Variants in CCNB3 observed in about 807,000 individuals in gnomAD.
CCNB3 encodes the protein G2/mitotic-specific cyclin-B3.
In CCNB3, 12 loss-of-function variants were observed where a neutral mutation model predicts 68.0. The observed-to-expected ratio is 0.18, with a 90% CI of 0.11 to 0.29. The LOEUF is 0.29. Among genes scored for constraint, CCNB3 ranks in the 10% least tolerant of loss-of-function variants. The probability of loss-of-function intolerance (pLI) is 1.00; values close to 1 mark genes in which losing one functional copy is unlikely to be tolerated. For synonymous variants in CCNB3, 354 were observed against 388.9 expected, an observed-to-expected ratio of 0.91 and a Z score of 1.06; for missense variants, 904 against 993.1, an observed-to-expected ratio of 0.91 and a Z score of 1.21.
At chrX:50,301,486 C>T (rs1273667785) in intron 5 of CCNB3, among the ~76,000 whole-genome samples, 1 of 111,670 alleles carries the variant, frequency 9.0e-6, no homozygotes, top group Non-Finnish European at 1.9e-5. Flanking sequence ...CCTGATTGTT[C>T]CTCTGGAAGT....
intron 8 of CCNB3, among the ~76,000 whole-genome samples, chrX:50,339,488 G>C (rs1923019292): frequency 8.9e-6 from 1 of 112,255 alleles, no homozygotes; most frequent in South Asian, 3.7e-4. Context: ...TTAGCTTAGT[G>C]ATTTTGGGGT....
chrX:50,294,665 A>T (rs1469566380), intron 4 of CCNB3, among the ~76,000 whole-genome samples, 198 bp from the exon 5 acceptor site: 1 of 111,573 alleles, frequency 9.0e-6, no homozygotes, highest in Non-Finnish European at 1.9e-5. Context: ...TGGTTGTTTG[A>T]TGCTAGCTTC....
At chrX:50,351,528 C>A in intron 12 of CCNB3, 79 bp from the exon 13 acceptor site, 2 of 1,036,335 alleles carry the variant, frequency 1.9e-6, no homozygotes, top group Non-Finnish European at 2.7e-6. Context: ...AAACTAAGGG[C>A]TGTATGTCCC....
chrX:50,226,506 A>G lies in CCNB3; in HGVS notation c.-113+21556A>G, dbSNP rs1446617884. Among the ~76,000 whole-genome samples, 4 of 79,276 alleles carry G rather than the reference A, an allele frequency of 5.0e-5. No homozygotes were observed. The Admixed American group carries it at 5.7e-4, about 11-fold the overall frequency. 68.8% of individuals were successfully genotyped at this position (79,276 alleles called of 115,157 possible). ...ATATATAGAATATATAAAAATATAT[A>G]TATAGAATATATAGATATATATATA... On this transcript the variant is annotated intron_variant, in intron 1 of 12. Coordinates refer to ENST00000376042, the MANE Select transcript of CCNB3 (RefSeq NM_033031.3).
At chrX:50,210,234 GGGAGGA>G (rs1935461893) in intron 1 of CCNB3, among the ~76,000 whole-genome samples, 1 of 111,364 alleles carries the variant, frequency 9.0e-6, no homozygotes, top group Non-Finnish European at 1.9e-5. Context: ...TTGTATACCT[GGGAGGA>G]GGGGAATATT....
chrX:50,228,604 A>G (rs1260555754), intron 1 of CCNB3, among the ~76,000 whole-genome samples: 1 of 86,210 alleles, frequency 1.2e-5, no homozygotes, highest in African/African-American at 4.2e-5. Context: ...GATAATATAT[A>G]TAGAATATAT....
In CCNB3 at chrX:50,309,029, A is replaced by G. The variant is rs782267633; in HGVS notation, c.860A>G (p.Lys287Arg). 1.2e-5 allele frequency: 15 copies of G among 1,209,720 alleles called. No homozygotes were observed. The highest frequency in any genetic ancestry group is 1.1e-4 in the Admixed American group (5 of 45,742). Residue 287 changes from lysine to arginine, a missense_variant, in exon 6 of 13, where the codon AAG (lysine) becomes AGG (arginine). Physicochemically the swap from Lys to Arg is conservative, Grantham distance 26. This residue lies in a region of CCNB3 where 619 missense variants were observed against 609.8 expected (regional missense o/e 1.02). Transcript: ENST00000376042. Reference sequence around the variant, plus strand: ...CCCACCCATAAGTTATCATCTTTAAAGAAGAAATGTACCATTTATGGGAAG... The same window carrying G: ...CCCACCCATAAGTTATCATCTTTAAGGAAGAAATGTACCATTTATGGGAAG... The part of the protein sequence containing the change: ...SIPTHKLSSL[K>R]KKCTIYGKIC...
intron 8 of CCNB3, among the ~76,000 whole-genome samples, chrX:50,334,203 C>T (rs1189793212): frequency 8.9e-6 from 1 of 112,392 alleles, no homozygotes; most frequent in African/African-American, 3.2e-5. Context: ...CCATGTATAA[C>T]TCCCAGTCTA....
chrX:50,333,276 G>A (rs1252294435), intron 8 of CCNB3, among the ~76,000 whole-genome samples: 2 of 111,329 alleles, frequency 1.8e-5, no homozygotes, highest in Non-Finnish European at 3.8e-5. Context: ...GGGTTACCTC[G>A]TAGGCCTTTT....
At chrX:50,305,952 T>C (rs1255086852) in intron 5 of CCNB3, among the ~76,000 whole-genome samples, 2 of 103,117 alleles carry the variant, frequency 1.9e-5, no homozygotes, top group Admixed American at 1.1e-4. Flanking sequence ...TTTTTTTTTT[T>C]TTTTTTCGTA....
intron 6 of CCNB3, 109 bp from the exon 7 acceptor site, chrX:50,312,428 C>G (rs1410270124): frequency 6.2e-6 from 4 of 643,006 alleles, no homozygotes; most frequent in Non-Finnish European, 1.0e-5. Context: ...GCTTGAGACA[C>G]CTTAGCAGAA....
Position 50,337,527 on chromosome X carries a change from C to T in CCNB3, c.3517-4675C>T, listed in dbSNP as rs187521659. Among the ~76,000 whole-genome samples the T allele has an allele frequency of 9.9e-5, 11 of 111,193 alleles. 1 individual carries two copies. Among genetic ancestry groups the T allele is most frequent in the Middle Eastern group, 4.7e-3 (1 of 214 alleles). ...TACAGGTTCCCCTGTGCCATACCTT[C>T]GAGACAAGGGACCTGTCCAGGCTTC... On this transcript the variant is annotated intron_variant, in intron 8 of 12. Coordinates refer to ENST00000376042, the MANE Select transcript of CCNB3 (RefSeq NM_033031.3).
Position 50,311,045 on chromosome X carries a change from A to C in CCNB3, c.2876A>C (p.Glu959Ala), listed in dbSNP as rs142429100. ...TTACAAGAGAGTCCCACCTACAAGG[A>C]AGACACCTTTCTCAAAACATTGTTG... Reference protein sequence around the residue: ...LALQESPTYKEDTFLKTLLVP... With the variant: ...LALQESPTYKADTFLKTLLVP... Residue 959 changes from glutamate to alanine, a missense_variant, in exon 6 of 13, where the codon GAA becomes GCA. This residue lies in a region of CCNB3 where 285 missense variants were observed against 383.4 expected (regional missense o/e 0.74). Transcript: ENST00000376042. 1 of 1,207,143 alleles carries C rather than the reference A, an allele frequency of 8.3e-7. No homozygotes were observed. The highest frequency in any genetic ancestry group is 1.1e-6 in the Non-Finnish European group (1 of 894,528).
intron 5 of CCNB3, among the ~76,000 whole-genome samples, chrX:50,297,610 C>A (rs1239173076): frequency 8.9e-6 from 1 of 111,906 alleles, no homozygotes; most frequent in Non-Finnish European, 1.9e-5. Context: ...CTTGTCAATG[C>A]GGGCTCTTTT....
chrX:50,309,105 A>C lies in CCNB3; in HGVS notation c.936A>C (p.Ala312=). 1.7e-6 allele frequency: 2 copies of C among 1,210,697 alleles called. No individual in the cohort carries two copies. Among genetic ancestry groups the C allele is most frequent in the Non-Finnish European group, 2.2e-6 (2 of 894,577 alleles). Reference sequence around the variant, plus strand: ...TATTGCAGACAACCATCTGTGGAGCAATGTCCTCCATTAAGAAGCCTACCA... The same window carrying C: ...TATTGCAGACAACCATCTGTGGAGCCATGTCCTCCATTAAGAAGCCTACCA... ...PPVLQTTICG[A]MSSIKKPTTE... The change falls in exon 6 of 13, where the codon GCA becomes GCC. Residue 312 remains alanine (A), a synonymous_variant. Coordinates refer to ENST00000376042, the MANE Select transcript of CCNB3 (RefSeq NM_033031.3).
intron 8 of CCNB3, among the ~76,000 whole-genome samples, chrX:50,333,629 C>T (rs1253291900): frequency 1.8e-5 from 2 of 111,578 alleles, no homozygotes; most frequent in East Asian, 5.6e-4. Flanking sequence ...GGCACAGCTA[C>T]TCTCCCATCT....
At chrX:50,297,966 T>C (rs1345264864) in intron 5 of CCNB3, among the ~76,000 whole-genome samples, 2 of 111,999 alleles carry the variant, frequency 1.8e-5, no homozygotes, top group Non-Finnish European at 3.8e-5. Flanking sequence ...ACTTGTGATT[T>C]TTGCACATGG....
At chrX:50,214,953 C>A (rs1935547143) in intron 1 of CCNB3, among the ~76,000 whole-genome samples, 1 of 107,688 alleles carries the variant, frequency 9.3e-6, no homozygotes, top group African/African-American at 3.4e-5. Flanking sequence ...TGAGGTATGT[C>A]GTTTCGTTTC....
chrX:50,217,900 C>T (rs1270540263), intron 1 of CCNB3, among the ~76,000 whole-genome samples: 3 of 111,706 alleles, frequency 2.7e-5, no homozygotes, highest in Non-Finnish European at 5.6e-5. Context: ...GGGAAATTTT[C>T]GGTCTTATTT....
Sources: gnomAD v4.1 joint callset for allele counts (sites outside exome capture counted in the v4.1 genomes callset) on GRCh38, gnomAD v4.1.1 for gene constraint, gnomAD v4.1.1 regional missense constraint, MANE v1.5 for transcripts, NCBI Gene and HGNC (gene_info 2026-07-23, HGNC 2026-07-21) for gene names.